The following PIEZO1 variants were observed in gnomAD, a reference collection of about 807,000 sequenced individuals.
PIEZO1 encodes piezo type mechanosensitive ion channel component 1 (Er blood group).
In PIEZO1, 296 loss-of-function variants were observed where a neutral mutation model predicts 297.2. The ratio of observed to expected loss-of-function variants is 1.00; its 90% CI spans 0.91 to 1.10. PIEZO1 has a LOEUF of 1.10. PIEZO1 is among the 50% of genes least tolerant of loss of function. The pLI is 0.00. For missense variants in PIEZO1, 5,018 were observed against 3,455.5 expected (o/e 1.45, Z -11.34); for synonymous variants, 2,427 against 1,507.5 (o/e 1.61, Z -14.13).
At position 88,727,669 on chromosome 16, in the gene PIEZO1, A is replaced by C. The variant is rs559178769; in HGVS notation, c.3197-8T>G. On this transcript the variant is annotated splice_polypyrimidine_tract_variant and splice_region_variant and intron_variant, in intron 22 of 50. Coordinates refer to ENST00000301015, the MANE Select transcript of PIEZO1 (RefSeq NM_001142864.4). ...TCCAGCGCCAGGGATAATCTGGGGG[A>C]AGGGGTGTCATGTCAGGAAGGGCCG... The C allele has an allele frequency of 7.1e-7, 1 of 1,408,434 alleles. No individual in the cohort carries two copies. The highest frequency in any genetic ancestry group is 9.5e-7 in the Non-Finnish European group (1 of 1,052,322). 87.2% of individuals were successfully genotyped at this position (1,408,434 alleles called of 1,614,324 possible). A position where few individuals can be genotyped will look rare whatever the true frequency, so the allele number is the denominator to read the frequency against.
chr16:88,732,983 G>A, intron 19 of PIEZO1: 1 of 583,204 alleles, frequency 1.7e-6, no homozygotes, highest in Non-Finnish European at 3.0e-6. Flanking sequence ...AAGGTCCCAG[G>A]CAGAGATGCC....
chr16:88,772,738 C>T (rs934120649), intron 1 of PIEZO1, among the ~76,000 whole-genome samples: 1 of 149,776 alleles, frequency 6.7e-6, no homozygotes, highest in African/African-American at 2.5e-5. Flanking sequence ...GAGATCGTGC[C>T]ACTGCATTCC....
rs149910862 is a variant in PIEZO1, at chr16:88,731,102, G to A, written c.3196+604C>T. The A allele has an allele frequency of 2.3e-3, 365 of 155,836 alleles. 2 individuals are homozygous for A. Among genetic ancestry groups the A allele is most frequent in the African/African-American group, 8.3e-3 (347 of 41,596 alleles). The allele number at this position is 155,836 out of a possible 1,614,324, so 9.7% of individuals were successfully genotyped here. Reference sequence around the variant, plus strand: ...AGCCACGCAAATCCAGTCTCACGGCGTCAGCAACGCTACCGGCCTCCCTCC... The same window carrying A: ...AGCCACGCAAATCCAGTCTCACGGCATCAGCAACGCTACCGGCCTCCCTCC... On this transcript the variant is annotated intron_variant, in intron 22 of 50. Coordinates refer to ENST00000301015, the MANE Select transcript of PIEZO1 (RefSeq NM_001142864.4).
At chr16:88,743,557 G>A (rs1905841351) in intron 2 of PIEZO1, 1 of 456,672 alleles carries the variant, frequency 2.2e-6, no homozygotes, top group Non-Finnish European at 4.4e-6. Context: ...TCGGCCTCGG[G>A]GCGCAAACTC....
chr16:88,761,392 G>A (rs898057193), intron 1 of PIEZO1, among the ~76,000 whole-genome samples: 1 of 152,210 alleles, frequency 6.6e-6, no homozygotes, highest in African/African-American at 2.4e-5. Context: ...CCCTGCCCAG[G>A]AGGGCACCAG....
chr16:88,767,049 C>A (rs1907211905), intron 1 of PIEZO1, among the ~76,000 whole-genome samples: 2 of 152,244 alleles, frequency 1.3e-5, no homozygotes, highest in Admixed American at 1.3e-4. Context: ...CCCGCACGAG[C>A]CTATTCTACC....
At chr16:88,761,266 C>T (rs968666518) in intron 1 of PIEZO1, among the ~76,000 whole-genome samples, 3 of 152,358 alleles carry the variant, frequency 2.0e-5, no homozygotes, top group East Asian at 1.9e-4. Flanking sequence ...GACTCCACCA[C>T]GCCCATTTCA....
At chr16:88,743,172 C>T (rs1478793158) in intron 2 of PIEZO1, 1 of 455,830 alleles carries the variant, frequency 2.2e-6, no homozygotes, top group East Asian at 7.0e-5. Flanking sequence ...AGCAGGGAGG[C>T]CTTCGGCTGC....
chr16:88,721,159 C>G lies in PIEZO1; in HGVS notation c.5668+7G>C, dbSNP rs1445058162. On this transcript the variant is annotated splice_region_variant and intron_variant, in intron 39 of 50. Transcript: ENST00000301015. Reference sequence around the variant, plus strand: ...AGGCAGGAGGTTGTGAGGCAGGGCGCTTATACCGATGGCTGCCGCTCCTTT... The same window carrying G: ...AGGCAGGAGGTTGTGAGGCAGGGCGGTTATACCGATGGCTGCCGCTCCTTT... 1.3e-6 allele frequency: 2 copies of G among 1,494,326 alleles called. No homozygotes were observed. The highest frequency in any genetic ancestry group is 8.9e-7 in the Non-Finnish European group (1 of 1,123,176). 92.6% of individuals were successfully genotyped at this position (1,494,326 alleles called of 1,614,324 possible). A position where few individuals can be genotyped will look rare whatever the true frequency, so the allele number is the denominator to read the frequency against.
At chr16:88,755,001 G>A (rs1906582159) in intron 1 of PIEZO1, among the ~76,000 whole-genome samples, 1 of 152,250 alleles carries the variant, frequency 6.6e-6, no homozygotes, top group South Asian at 2.1e-4. Flanking sequence ...GCGCCCCAGG[G>A]AGAGGAGAGG....
At chr16:88,775,089 G>A (rs916132022) in intron 1 of PIEZO1, among the ~76,000 whole-genome samples, 10 of 152,188 alleles carry the variant, frequency 6.6e-5, no homozygotes, top group East Asian at 1.9e-4. Flanking sequence ...GGCCGTACCC[G>A]TGACACCCAG....
In PIEZO1 at chr16:88,715,386, A is replaced by ACTC. The variant is rs1045222014; in HGVS notation, c.*216_*218dup. Reference sequence around the variant, plus strand: ...AAAACATTTTTTAATTAAAAAAAAAACTCTACAGTACACGTGGGGGACGGC... The same window carrying ACTC: ...AAAACATTTTTTAATTAAAAAAAAAACTCCTCTACAGTACACGTGGGGGACGGC... On this transcript the variant is annotated 3_prime_UTR_variant, in exon 51 of 51. Coordinates refer to ENST00000301015, the MANE Select transcript of PIEZO1 (RefSeq NM_001142864.4). 7.5e-6 allele frequency: 8 copies of ACTC among 1,064,446 alleles called. No homozygotes were observed. The Admixed American group carries it at 8.2e-5, about 11-fold the overall frequency. The allele number at this position is 1,064,446 out of a possible 1,614,324, so 65.9% of individuals were successfully genotyped here.
Position 88,723,116 on chromosome 16 carries a change from C to T in PIEZO1, c.4474G>A (p.Gly1492Ser), listed in dbSNP as rs1007915601. The change falls in exon 33 of 51, where the codon GGC becomes AGC. Residue 1492 changes from glycine to serine, a missense_variant. Gly to Ser is a moderately conservative substitution (Grantham distance 56). Coordinates refer to ENST00000301015, the MANE Select transcript of PIEZO1 (RefSeq NM_001142864.4). ...GTACCTGCCGCTGCCTCCTCGGGGC[C>T]CTCTGCTGGCTCCACCTCCTGGCTG... ...GPSQEVEPAE[G>S]PEEAAAGRSH... The T allele has an allele frequency of 1.9e-5, 30 of 1,548,654 alleles. No homozygotes were observed. The highest frequency in any genetic ancestry group is 2.6e-5 in the Non-Finnish European group (30 of 1,146,812).
Position 88,749,474 on chromosome 16 carries a change from G to A in PIEZO1, c.70C>T (p.Leu24=). 6.6e-7 allele frequency: 1 copy of A among 1,526,200 alleles called. No homozygotes were observed. The highest frequency in any genetic ancestry group is 8.7e-7 in the Non-Finnish European group (1 of 1,143,088). 94.5% of individuals were successfully genotyped at this position (1,526,200 alleles called of 1,614,324 possible). ...LLPCALLAAC[L]LRFSGLSLVY... The stretch of plus-strand genomic sequence containing the variant: ...AGCGAGAGTCCGCTGAAGCGGAGCA[G>A]GCAGGCTGCGGGGAGATGGGCGTTA... The change falls in exon 2 of 51, where the codon CTG becomes TTG. Residue 24 remains leucine, a synonymous_variant. Transcript: ENST00000301015.
Position 88,742,355 on chromosome 16 carries a change from G to A in PIEZO1, c.228C>T (p.Ala76=), listed in dbSNP as rs1905736583. Residue 76 remains alanine (A), a synonymous_variant, in exon 3 of 51, where the codon GCC becomes GCT. Transcript: ENST00000301015. The part of the protein sequence containing the change: ...LSLLFLVAHL[A]LQICLHIVPR... Reference sequence around the variant, plus strand: ...GCACAATATGCAGGCAGATCTGGAGGGCGAGATGGGCCACCAGGAAGAGCA... The same window carrying A: ...GCACAATATGCAGGCAGATCTGGAGAGCGAGATGGGCCACCAGGAAGAGCA... 2.6e-6 allele frequency: 4 copies of A among 1,535,444 alleles called. No homozygotes were observed. The highest frequency in any genetic ancestry group is 2.6e-6 in the Non-Finnish European group (3 of 1,146,606).
In PIEZO1 at chr16:88,721,174, G is replaced by T; in HGVS notation, c.5660C>A (p.Ala1887Glu). The T allele has an allele frequency of 6.6e-7, 1 of 1,507,114 alleles. No homozygotes were observed. The highest frequency in any genetic ancestry group is 8.9e-7 in the Non-Finnish European group (1 of 1,128,846). The allele number at this position is 1,507,114 out of a possible 1,614,324, so 93.4% of individuals were successfully genotyped here. Residue 1887 changes from alanine to glutamate, a missense_variant, in exon 39 of 51, where the codon GCA becomes GAA. Ala to Glu is a moderately radical substitution (Grantham distance 107, BLOSUM62 -1). Transcript: ENST00000301015. ...KKEGPARKGA[A>E]AIEAEDREEE... The stretch of plus-strand genomic sequence containing the variant: ...AGGCAGGGCGCTTATACCGATGGCT[G>T]CCGCTCCTTTCCGTGCTGGGCCCTC...
Position 88,721,268 on chromosome 16 carries a change from CT to C in PIEZO1, c.5565del (p.Glu1856AsnfsTer65), listed in dbSNP as rs1326679915. On this transcript the variant is annotated frameshift_variant, in exon 39 of 51. Coordinates refer to ENST00000301015, the MANE Select transcript of PIEZO1 (RefSeq NM_001142864.4). LOFTEE classifies it high-confidence loss of function. ...CGGGGCCTGAGCTCCACTTGGGGTTCTGGGGTCCCGTCCGTGGGTCCGACCC... is the reference window on the plus strand; with the variant it reads ...CGGGGCCTGAGCTCCACTTGGGGTTCGGGGTCCCGTCCGTGGGTCCGACCC... Reference protein sequence around the residue: ...EARVGPTDGTPEPQVELRPRD... With the variant: ...EARVGPTDGTXEPQVELRPRD... 17 of 1,544,002 alleles carry C rather than the reference CT, an allele frequency of 1.1e-5. No homozygotes were observed. The highest frequency in any genetic ancestry group is 1.5e-5 in the Non-Finnish European group (17 of 1,146,578).
Position 88,722,650 on chromosome 16 carries a change from T to G in PIEZO1, c.4708A>C (p.Thr1570Pro). Residue 1570 changes from threonine (T) to proline (P), a missense_variant, in exon 35 of 51, where the codon ACA becomes CCA. By Grantham distance (38) the Thr-to-Pro change is conservative (BLOSUM62 -1). Coordinates refer to ENST00000301015, the MANE Select transcript of PIEZO1 (RefSeq NM_001142864.4). ...VHRGVLDQLY[T>P]SQAEATLPGP... is the part of the protein sequence containing the mutation. ...GGCAGCGTGGCCTCGGCCTGGCTTGTGTACAGCTGATCCAGCACGCCCCTG... is the reference window on the plus strand; with the variant it reads ...GGCAGCGTGGCCTCGGCCTGGCTTGGGTACAGCTGATCCAGCACGCCCCTG... The G allele has an allele frequency of 1.3e-6, 2 of 1,538,642 alleles. No individual in the cohort carries two copies. Among genetic ancestry groups the G allele is most frequent in the South Asian group, 1.2e-5 (1 of 84,040 alleles).
At chr16:88,774,579 A>G (rs1907572656) in intron 1 of PIEZO1, among the ~76,000 whole-genome samples, 1 of 152,164 alleles carries the variant, frequency 6.6e-6, no homozygotes, top group Non-Finnish European at 1.5e-5. Flanking sequence ...ACGGGTGGGC[A>G]TCGCTGGCCC....
Sources: allele counts gnomAD v4.1 joint callset (sites outside exome capture counted in the v4.1 genomes callset), GRCh38; gene constraint gnomAD v4.1.1; transcripts MANE v1.5; gene names NCBI Gene and HGNC (gene_info 2026-07-23, HGNC 2026-07-21).